The following SNX8 variants were observed in gnomAD, a reference collection of about 807,000 sequenced individuals.
SNX8 encodes sorting nexin-8.
Under a neutral mutation model 51.6 loss-of-function variants are expected in SNX8, and 25 were observed. The observed-to-expected ratio is 0.48, with a 90% CI of 0.35 to 0.68. The LOEUF (loss-of-function observed/expected upper bound fraction) is 0.68. Among genes scored for constraint, SNX8 ranks in the 30% least tolerant of loss-of-function variants. The pLI is 0.00. For synonymous variants in SNX8, 324 were observed against 277.0 expected, an observed-to-expected ratio of 1.17 and a Z score of -1.68; for missense variants, 695 against 624.0, an observed-to-expected ratio of 1.11 and a Z score of -1.21.
intron 1 of SNX8, among the ~76,000 whole-genome samples, chr7:2,314,030 T>A (rs1457321885): frequency 1.3e-5 from 2 of 152,148 alleles, no homozygotes; most frequent in Admixed American, 1.3e-4. Context: ...AGGACGCCTC[T>A]GAGAGCCCCG....
At position 2,278,239 on chromosome 7, in the gene SNX8, A is replaced by T. The variant is rs769705094; in HGVS notation, c.161T>A (p.Met54Lys). The change falls in exon 2 of 11, where the codon ATG (methionine) becomes AAG (lysine). Residue 54 changes from methionine to lysine, a missense_variant. Met to Lys is a moderately conservative substitution (Grantham distance 95). Coordinates refer to ENST00000222990, the MANE Select transcript of SNX8 (RefSeq NM_013321.4). ...IVQQVPAPSR[M>K]QMPQGNPLLL... is the part of the protein sequence containing the mutation. ...CAGCGGGTTCCCCTGCGGCATCTGC[A>T]TTCGACTGGGGGCTGGGACCTGCTG... The T allele has an allele frequency of 6.2e-7, 1 of 1,611,292 alleles. No individual in the cohort carries two copies. Among genetic ancestry groups the T allele is most frequent in the African/African-American group, 1.3e-5 (1 of 74,900 alleles).
intron 1 of SNX8, among the ~76,000 whole-genome samples, chr7:2,347,353 C>T (rs551161683): frequency 1.3e-5 from 2 of 151,542 alleles, no homozygotes; most frequent in South Asian, 4.2e-4. Context: ...TCGTGGTGGG[C>T]GCCTGTAGTC....
At chr7:2,311,662 G>A (rs913920820) in intron 1 of SNX8, among the ~76,000 whole-genome samples, 1 of 152,136 alleles carries the variant, frequency 6.6e-6, no homozygotes, top group Admixed American at 6.6e-5. Context: ...GCGAGGCCGG[G>A]CGCGGTGGCT....
At chr7:2,261,617 C>G (rs984410758) in intron 7 of SNX8, among the ~76,000 whole-genome samples, 1 of 152,182 alleles carries the variant, frequency 6.6e-6, no homozygotes, top group South Asian at 2.1e-4. Context: ...CCCAGCCCCA[C>G]GTTCTCGGTC....
chr7:2,258,206 C>T lies in SNX8; in HGVS notation c.916-403G>A, dbSNP rs554161372. 4.3e-3 allele frequency among the ~76,000 whole-genome samples: 650 copies of T among 152,132 alleles called. 5 individuals are homozygous for T. Among genetic ancestry groups the T allele is most frequent in the African/African-American group, 0.015 (602 of 41,502 alleles). On this transcript the variant is annotated intron_variant, in intron 7 of 10. Coordinates refer to ENST00000222990, the MANE Select transcript of SNX8 (RefSeq NM_013321.4). ...TTTGTATTTCTTTTTTTAGTAGAGA[C>T]GGGGTTTCACCGTGTTAGCGAGGAT...
chr7:2,257,119 C>T (rs1344925141), intron 9 of SNX8, 96 bp from the exon 10 acceptor site: 2 of 1,395,022 alleles, frequency 1.4e-6, no homozygotes, highest in Non-Finnish European at 1.9e-6. Flanking sequence ...AGGGCGGCCC[C>T]TTCTCCTTCA....
At chr7:2,333,333 C>T (rs537712800) in intron 1 of SNX8, among the ~76,000 whole-genome samples, 111 of 152,222 alleles carry the variant, frequency 7.3e-4, no homozygotes, top group African/African-American at 2.5e-3. Context: ...GAGGCTGAGG[C>T]GGGTGGATCC....
chr7:2,265,903 A>C (rs1795451558), intron 5 of SNX8, among the ~76,000 whole-genome samples: 1 of 151,284 alleles, frequency 6.6e-6, no homozygotes, highest in Non-Finnish European at 1.5e-5. Flanking sequence ...CTTGAGGCCA[A>C]GAGTTCAAGA....
At chr7:2,286,523 T>TATATA (rs1433526456) in intron 1 of SNX8, among the ~76,000 whole-genome samples, 1 of 101,776 alleles carries the variant, frequency 9.8e-6, no homozygotes, top group South Asian at 3.2e-4. Flanking sequence ...TATTTTATAA[T>TATATA]TTTTTTTTTT....
At chr7:2,267,339 T>G (rs193044721) in intron 5 of SNX8, among the ~76,000 whole-genome samples, 3,589 of 57,810 alleles carry the variant, frequency 0.062, 168 homozygotes, top group African/African-American at 0.19. Flanking sequence ...CCCCTCTCCC[T>G]CTCCCTCACC....
intron 1 of SNX8, among the ~76,000 whole-genome samples, chr7:2,303,113 T>G (rs1318726816): frequency 3.6e-5 from 4 of 111,562 alleles, no homozygotes; most frequent in Admixed American, 9.6e-5. Flanking sequence ...GGTGGGGGGG[T>G]CAGCCCCCCG....
intron 1 of SNX8, among the ~76,000 whole-genome samples, chr7:2,353,905 G>C (rs1158156569): frequency 2.0e-5 from 3 of 152,134 alleles, no homozygotes; most frequent in East Asian, 3.8e-4. Flanking sequence ...CCACTGGGTT[G>C]TTTTCTAGGA....
intron 1 of SNX8, among the ~76,000 whole-genome samples, chr7:2,352,884 T>C (rs1000569310): frequency 1.3e-5 from 2 of 151,558 alleles, no homozygotes; most frequent in Middle Eastern, 3.2e-3. Flanking sequence ...ATGCGGAAAC[T>C]GAGGTGGAGG....
At chr7:2,297,381 T>C (rs1445928769) in intron 1 of SNX8, among the ~76,000 whole-genome samples, 1 of 151,372 alleles carries the variant, frequency 6.6e-6, no homozygotes, top group Non-Finnish European at 1.5e-5. Flanking sequence ...TGAAACCCCA[T>C]CTCTACTAAA....
chr7:2,277,839 G>A (rs1360598883), intron 2 of SNX8, among the ~76,000 whole-genome samples: 1 of 151,734 alleles, frequency 6.6e-6, no homozygotes, highest in Non-Finnish European at 1.5e-5. Context: ...GGACTCCAGA[G>A]CACAGTGGTG....
At chr7:2,267,609 CAGTGCTCAAT>C (rs1247715631) in intron 5 of SNX8, among the ~76,000 whole-genome samples, 1 of 146,278 alleles carries the variant, frequency 6.8e-6, no homozygotes, top group African/African-American at 2.5e-5. Context: ...CTCGTTCACT[CAGTGCTCAAT>C]GGTGCCCAGG....
At chr7:2,257,856 T>G in intron 7 of SNX8, 53 bp from the exon 8 acceptor site, 1 of 1,551,354 alleles carries the variant, frequency 6.4e-7, no homozygotes, top group Non-Finnish European at 8.9e-7. Flanking sequence ...ACCCGGTCCC[T>G]GCCCGGGAAC....
chr7:2,336,981 C>G (rs1016110850), intron 1 of SNX8: 7 of 150,870 alleles, frequency 4.6e-5, no homozygotes, highest in African/African-American at 1.7e-4. Context: ...TACACTCCAG[C>G]CTGGGTGACA....
intron 5 of SNX8, among the ~76,000 whole-genome samples, chr7:2,268,080 A>AGCCGCC (rs1795524256): frequency 4.2e-5 from 3 of 70,720 alleles, no homozygotes; most frequent in Non-Finnish European, 8.8e-5. Flanking sequence ...GGTCAGCCCC[A>AGCCGCC]CCACCTGGCC....
Sources: gnomAD v4.1 joint callset for allele counts (sites outside exome capture counted in the v4.1 genomes callset) on GRCh38, gnomAD v4.1.1 for gene constraint, MANE v1.5 for transcripts, NCBI Gene and HGNC (gene_info 2026-07-23, HGNC 2026-07-21) for gene names.